Variants in EPN2 observed in about 807,000 individuals in gnomAD.
EPN2 encodes epsin 2.
Under a neutral mutation model 61.7 loss-of-function variants are expected in EPN2, and 34 were observed. The observed-to-expected ratio is 0.55, with a 90% CI of 0.42 to 0.73. The LOEUF (loss-of-function observed/expected upper bound fraction) is 0.73. EPN2 is among the 30% of genes least tolerant of loss of function. The pLI is 0.00. For synonymous variants in EPN2, 349 were observed against 353.6 expected (o/e 0.99, Z 0.15); for missense variants, 714 against 839.2 (o/e 0.85, Z 1.84).
chr17:19,291,787 G>A (rs2045468128), intron 4 of EPN2, among the ~76,000 whole-genome samples: 1 of 152,134 alleles, frequency 6.6e-6, no homozygotes, highest in Non-Finnish European at 1.5e-5. Context: ...AAGCTTTCTT[G>A]TGCGCTGTTT....
At chr17:19,261,594 G>A (rs965390977) in intron 1 of EPN2, among the ~76,000 whole-genome samples, 11 of 152,098 alleles carry the variant, frequency 7.2e-5, no homozygotes, top group African/African-American at 2.4e-4. Flanking sequence ...TTGAAGATTT[G>A]GACAGTGGCT....
chr17:19,240,639 G>A (rs905174014), intron 1 of EPN2, among the ~76,000 whole-genome samples: 1 of 152,124 alleles, frequency 6.6e-6, no homozygotes, highest in African/African-American at 2.4e-5. Flanking sequence ...CATGTATTCG[G>A]TGTAAACAGA....
chr17:19,328,952 C>T (rs1471468323), intron 8 of EPN2, 65 bp downstream of exon 8: 48 of 1,450,204 alleles, frequency 3.3e-5, no homozygotes, highest in South Asian at 3.1e-4. Context: ...TGCAGCCGCT[C>T]CTGGCTCCTA....
At chr17:19,299,076 A>G (rs1490581162) in intron 4 of EPN2, among the ~76,000 whole-genome samples, 1 of 152,170 alleles carries the variant, frequency 6.6e-6, no homozygotes, top group Non-Finnish European at 1.5e-5. Context: ...CTGTTTCCAA[A>G]CAAATGCTTT....
intron 4 of EPN2, chr17:19,308,107 T>C: frequency 1.1e-6 from 1 of 897,304 alleles, no homozygotes; most frequent in Non-Finnish European, 1.3e-6. Context: ...GCAGTCTTGC[T>C]CTTTTGCCCA....
In EPN2 at chr17:19,237,427, CCAGA is replaced by C. The variant is rs2044825272; in HGVS notation, c.-396_-393del. ...GCTGGTGTGTGGGTGTCAAACTGAG[CCAGA>C]CGCGGCGGTGGCGGCGGCTCCGCGG... On this transcript the variant is annotated 5_prime_UTR_variant, in exon 1 of 11. Coordinates refer to ENST00000314728, the MANE Select transcript of EPN2 (RefSeq NM_014964.5). 6.6e-6 allele frequency: 1 copy of C among 152,022 alleles called. No individual in the cohort carries two copies. The highest frequency in any genetic ancestry group is 2.4e-5 in the African/African-American group (1 of 41,422). 9.4% of individuals were successfully genotyped at this position (152,022 alleles called of 1,614,324 possible). A position where few individuals can be genotyped will look rare whatever the true frequency, so the allele number is the denominator to read the frequency against.
intron 10 of EPN2, among the ~76,000 whole-genome samples, chr17:19,333,636 C>A (rs907579322): frequency 6.6e-6 from 1 of 152,124 alleles, no homozygotes; most frequent in Non-Finnish European, 1.5e-5. Context: ...TAGCTGATGG[C>A]TGGTGAAGGT....
intron 1 of EPN2, among the ~76,000 whole-genome samples, chr17:19,280,963 C>T (rs919650522): frequency 4.6e-5 from 7 of 152,066 alleles, no homozygotes; most frequent in Non-Finnish European, 7.4e-5. Flanking sequence ...CATAACTCAG[C>T]GAAATTGACT....
At chr17:19,312,206 C>T in intron 6 of EPN2, 62 bp downstream of exon 6, 3 of 1,197,706 alleles carry the variant, frequency 2.5e-6, no homozygotes, top group South Asian at 2.4e-5. Flanking sequence ...CTCAATATCC[C>T]CCCACCAACT....
At position 19,335,367 on chromosome 17, in the gene EPN2, A is replaced by G; in HGVS notation, c.*1113A>G. The G allele has an allele frequency of 6.5e-7, 1 of 1,543,368 alleles. No homozygotes were observed. Among genetic ancestry groups the G allele is most frequent in the Non-Finnish European group, 8.8e-7 (1 of 1,141,990 alleles). On this transcript the variant is annotated 3_prime_UTR_variant, in exon 11 of 11. Coordinates refer to ENST00000314728, the MANE Select transcript of EPN2 (RefSeq NM_014964.5). Reference sequence around the variant, plus strand: ...AAAATCTAATGTATGAATGTGACTCACCAATTTTTATCAACTAATTCCTTT... The same window carrying G: ...AAAATCTAATGTATGAATGTGACTCGCCAATTTTTATCAACTAATTCCTTT...
intron 7 of EPN2, among the ~76,000 whole-genome samples, chr17:19,322,617 G>A (rs963690293): frequency 6.6e-6 from 1 of 152,010 alleles, no homozygotes; most frequent in Admixed American, 6.6e-5. Flanking sequence ...GTGTGTGCCT[G>A]TGGTCCCAGC....
chr17:19,312,583 T>G (rs1160278772), intron 6 of EPN2, among the ~76,000 whole-genome samples: 1 of 152,126 alleles, frequency 6.6e-6, no homozygotes, highest in African/African-American at 2.4e-5. Context: ...CATCATCCAG[T>G]CAAGACCCAG....
rs147878949 is a variant in EPN2, at chr17:19,262,714, C to G, written c.-293-19241C>G. On this transcript the variant is annotated intron_variant, in intron 1 of 10. Transcript: ENST00000314728. ...TAGAACATTTTATTACCCCCAAAAG[C>G]AACCCTGTACCCATTAAGCAGTCAT... Among the ~76,000 whole-genome samples the G allele has an allele frequency of 1.6e-3, 244 of 151,294 alleles. 6 individuals are homozygous for G. The East Asian group carries it at 0.043, about 27-fold the overall frequency.
chr17:19,289,674 A>G (rs981418433), intron 4 of EPN2, among the ~76,000 whole-genome samples: 1 of 148,736 alleles, frequency 6.7e-6, no homozygotes, highest in African/African-American at 2.5e-5. Flanking sequence ...TTGTCAGGGC[A>G]TGGACAGTGC....
At chr17:19,288,844 T>G (rs2045430443) in intron 4 of EPN2, among the ~76,000 whole-genome samples, 2 of 152,196 alleles carry the variant, frequency 1.3e-5, no homozygotes, top group South Asian at 4.1e-4. Context: ...GACCATGCAC[T>G]CAGTGGCCCG....
chr17:19,283,583 C>T lies in EPN2; in HGVS notation c.464C>T (p.Ala155Val). ...GCTCTCAAAACCAAAGAGCGCATGGCCCAGGTTGCCACTGGCATGGGCAGC... is the reference window on the plus strand; with the variant it reads ...GCTCTCAAAACCAAAGAGCGCATGGTCCAGGTTGCCACTGGCATGGGCAGC... ...AQALKTKERM[A>V]QVATGMGSNQ... is the part of the protein sequence containing the mutation. Residue 155 changes from alanine (A) to valine (V), a missense_variant, in exon 3 of 11, where the codon GCC becomes GTC. Transcript: ENST00000314728. This position sits in a 1 kb window ranked among gnomAD's most constrained non-coding sequence, Gnocchi z 7.0. 1 of 1,614,168 alleles carries T rather than the reference C, an allele frequency of 6.2e-7. No homozygotes were observed. The highest frequency in any genetic ancestry group is 1.1e-5 in the South Asian group (1 of 91,082).
Position 19,335,227 on chromosome 17 carries a change from T to C in EPN2, c.*973T>C. Reference sequence around the variant, plus strand: ...CCTAGCCTCCAGTTGCCTTTTCCTTTCTTTAGCTCCTGTTTTTGGTGAATT... The same window carrying C: ...CCTAGCCTCCAGTTGCCTTTTCCTTCCTTTAGCTCCTGTTTTTGGTGAATT... On this transcript the variant is annotated 3_prime_UTR_variant, in exon 11 of 11. Transcript: ENST00000314728. The C allele has an allele frequency of 2.0e-6, 1 of 495,810 alleles. No individual in the cohort carries two copies. Among genetic ancestry groups the C allele is most frequent in the Non-Finnish European group, 3.3e-6 (1 of 300,430 alleles). The allele number at this position is 495,810 out of a possible 1,614,324, so 30.7% of individuals were successfully genotyped here. A position where few individuals can be genotyped will look rare whatever the true frequency, so the allele number is the denominator to read the frequency against.
Position 19,335,568 on chromosome 17 carries a change from T to G in EPN2, c.*1314T>G. ...TGTCCCGAGGGCGTGGGGTGGGGGGTGCTTCTGTGCCCACGGGTCCCTGGG... is the reference window on the plus strand; with the variant it reads ...TGTCCCGAGGGCGTGGGGTGGGGGGGGCTTCTGTGCCCACGGGTCCCTGGG... On this transcript the variant is annotated 3_prime_UTR_variant, in exon 11 of 11. Coordinates refer to ENST00000314728, the MANE Select transcript of EPN2 (RefSeq NM_014964.5). 1 of 1,220,512 alleles carries G rather than the reference T, an allele frequency of 8.2e-7. No homozygotes were observed. 75.6% of individuals were successfully genotyped at this position (1,220,512 alleles called of 1,614,324 possible).
At chr17:19,253,051 A>G (rs1449381324) in intron 1 of EPN2, among the ~76,000 whole-genome samples, 4 of 152,178 alleles carry the variant, frequency 2.6e-5, no homozygotes, top group Non-Finnish European at 5.9e-5. Flanking sequence ...TGGTACATTT[A>G]TAGTGTTGTG....
Sources: gnomAD v4.1 joint callset for allele counts (sites outside exome capture counted in the v4.1 genomes callset) on GRCh38, gnomAD v4.1.1 for gene constraint, Gnocchi (gnomAD v3.1) non-coding constraint, MANE v1.5 for transcripts, NCBI Gene and HGNC (gene_info 2026-07-23, HGNC 2026-07-21) for gene names.